The following RTL4 variants were observed in gnomAD, a reference collection of about 807,000 sequenced individuals.
RTL4 encodes the protein retrotransposon Gag like 4, also known as retrotransposon Gag-like protein 4.
A neutral mutation model predicts 5.3 loss-of-function variants in RTL4; 4 were observed. The ratio of observed to expected loss-of-function variants is 0.75; its 90% CI spans 0.37 to 1.72. The LOEUF (loss-of-function observed/expected upper bound fraction) is 1.72. Among genes scored for constraint, RTL4 ranks in the 40% most tolerant of loss-of-function variants. The probability of loss-of-function intolerance (pLI) is 0.04; values close to 1 mark genes in which losing one functional copy is unlikely to be tolerated. For missense variants in RTL4, 260 were observed against 227.1 expected, an observed-to-expected ratio of 1.14 and a Z score of -0.93; for synonymous variants, 98 against 87.3, an observed-to-expected ratio of 1.12 and a Z score of -0.68.
chrX:112,314,239 C>T, the RTL4 span, among the ~76,000 whole-genome samples: 1 of 111,565 alleles, frequency 9.0e-6, no homozygotes, highest in Non-Finnish European at 1.9e-5. Context: ...CAGCACATCC[C>T]ACCGGGGTTT....
chrX:112,166,845 A>G, the RTL4 span, among the ~76,000 whole-genome samples: 2 of 112,123 alleles, frequency 1.8e-5, no homozygotes, highest in Admixed American at 1.9e-4. Context: ...CCAGGTATTA[A>G]GAACAGGGCC....
At chrX:112,101,804 TC>T in the RTL4 span, among the ~76,000 whole-genome samples, 1 of 110,144 alleles carries the variant, frequency 9.1e-6, no homozygotes, top group South Asian at 3.8e-4. Context: ...ATGATGAATG[TC>T]CTTATAAATA....
At chrX:112,178,116 G>A in the RTL4 span, among the ~76,000 whole-genome samples, 2 of 111,141 alleles carry the variant, frequency 1.8e-5, no homozygotes, top group East Asian at 2.8e-4. Flanking sequence ...TCTTAATAGC[G>A]CTGAAGGTAG....
At chrX:112,119,235 C>G in the RTL4 span, among the ~76,000 whole-genome samples, 1 of 110,052 alleles carries the variant, frequency 9.1e-6, no homozygotes, top group South Asian at 3.9e-4. Flanking sequence ...CAAGGGAAGA[C>G]AGAGAGGTAA....
the RTL4 span, among the ~76,000 whole-genome samples, chrX:112,190,356 T>G: frequency 9.0e-6 from 1 of 110,786 alleles, no homozygotes; most frequent in Admixed American, 9.7e-5. Flanking sequence ...TGGCTGCATT[T>G]GGAAACATCT....
chrX:112,278,923 A>G, the RTL4 span, among the ~76,000 whole-genome samples: 21 of 112,008 alleles, frequency 1.9e-4, no homozygotes, highest in Admixed American at 2.0e-3. Context: ...GAAGAAAACA[A>G]CATTTAGAGA....
At chrX:112,391,548 T>A in the RTL4 span, among the ~76,000 whole-genome samples, 1 of 109,798 alleles carries the variant, frequency 9.1e-6, no homozygotes, top group Non-Finnish European at 1.9e-5. Flanking sequence ...TGTAGCTGAC[T>A]TCTTGTCTTT....
chrX:112,372,281 T>C, the RTL4 span, among the ~76,000 whole-genome samples: 1 of 111,771 alleles, frequency 8.9e-6, no homozygotes, highest in Non-Finnish European at 1.9e-5. Flanking sequence ...GCTTGGTTCA[T>C]GTATGTTATA....
At chrX:112,447,668 G>C in the RTL4 span, among the ~76,000 whole-genome samples, 3 of 111,978 alleles carry the variant, frequency 2.7e-5, no homozygotes, top group Non-Finnish European at 5.6e-5. Context: ...TTATTAAAAG[G>C]ATACATGGAA....
the RTL4 span, among the ~76,000 whole-genome samples, chrX:112,356,073 C>T: frequency 9.0e-6 from 1 of 111,539 alleles, no homozygotes; most frequent in African/African-American, 3.3e-5. Flanking sequence ...CCACAGTAGC[C>T]TTCTGAATAC....
the RTL4 span, among the ~76,000 whole-genome samples, chrX:112,138,385 G>A: frequency 2.7e-5 from 3 of 111,530 alleles, no homozygotes; most frequent in Middle Eastern, 9.5e-3. Flanking sequence ...GGGTAAGAAA[G>A]TAAATATTAC....
the RTL4 span, among the ~76,000 whole-genome samples, chrX:112,421,346 A>G: frequency 8.9e-6 from 1 of 111,949 alleles, no homozygotes. Flanking sequence ...CCCAGAATTC[A>G]TGCTGGAGAA....
chrX:112,221,488 T>C, the RTL4 span, among the ~76,000 whole-genome samples: 1 of 112,125 alleles, frequency 8.9e-6, no homozygotes, highest in Non-Finnish European at 1.9e-5. Flanking sequence ...TCTATGTTGG[T>C]GTTGTTCTCA....
At chrX:112,316,961 AATATAAC>A in the RTL4 span, among the ~76,000 whole-genome samples, 1 of 112,187 alleles carries the variant, frequency 8.9e-6, no homozygotes, top group African/African-American at 3.2e-5. Flanking sequence ...GGGGGCTAAT[AATATAAC>A]ATTATGATCT....
chrX:112,147,562 T>C, the RTL4 span, among the ~76,000 whole-genome samples: 1 of 111,739 alleles, frequency 8.9e-6, no homozygotes, highest in Non-Finnish European at 1.9e-5. Flanking sequence ...ACTGCTCCCA[T>C]TTTGAAGTAA....
chrX:112,138,779 A>T, the RTL4 span, among the ~76,000 whole-genome samples: 1 of 111,768 alleles, frequency 8.9e-6, no homozygotes, highest in Admixed American at 9.5e-5. Flanking sequence ...TTCCGAGAAA[A>T]GAGTTGCAAA....
the RTL4 span, among the ~76,000 whole-genome samples, chrX:112,106,232 T>G: frequency 8.9e-6 from 1 of 112,127 alleles, no homozygotes; most frequent in Non-Finnish European, 1.9e-5. Flanking sequence ...CACTTGATAA[T>G]GGTGAATAAT....
chrX:112,104,291 T>G, the RTL4 span, among the ~76,000 whole-genome samples: 4 of 112,349 alleles, frequency 3.6e-5, no homozygotes, highest in Admixed American at 2.8e-4. Flanking sequence ...TCTGTATCCA[T>G]TCATCTCTTG....
the RTL4 span, among the ~76,000 whole-genome samples, chrX:112,097,285 A>G: frequency 9.0e-6 from 1 of 111,525 alleles, no homozygotes; most frequent in African/African-American, 3.3e-5. Flanking sequence ...ATGGTAATTT[A>G]TTTAAAAATA....
Sources: gnomAD v4.1 joint callset for allele counts (sites outside exome capture counted in the v4.1 genomes callset) on GRCh38, gnomAD v4.1.1 for gene constraint, MANE v1.5 for transcripts, NCBI Gene and HGNC (gene_info 2026-07-23, HGNC 2026-07-21) for gene names.